Variants in FAM131A observed in about 807,000 individuals in gnomAD.
FAM131A encodes family with sequence similarity 131 member A.
FAM131A carries 24 observed loss-of-function variants against 39.2 expected under a neutral mutation model. The observed-to-expected ratio is 0.61, with a 90% CI of 0.44 to 0.86. FAM131A has a LOEUF of 0.86. Among genes scored for constraint, FAM131A ranks in the 40% least tolerant of loss-of-function variants. The pLI is 0.00. For synonymous variants in FAM131A, 202 were observed against 206.8 expected (o/e 0.98, Z 0.20); for missense variants, 373 against 481.2 (o/e 0.78, Z 2.10).
In FAM131A at chr3:184,342,918, T is replaced by C. The variant is rs1727450101; in HGVS notation, c.625+58T>C. ...ACCCACCTGATAGACCTTGGCATTC[T>C]TTCAGAGCCACATCCAGAACACTCT... On this transcript the variant is annotated intron_variant, in intron 5 of 5. Coordinates refer to ENST00000383847, the MANE Select transcript of FAM131A (RefSeq NM_144635.5). The surrounding 1 kb of genome is among the most constrained non-coding windows in gnomAD (Gnocchi z 4.6). 2.1e-6 allele frequency: 3 copies of C among 1,430,076 alleles called. No individual in the cohort carries two copies. The highest frequency in any genetic ancestry group is 3.0e-6 in the Non-Finnish European group (3 of 1,016,096). 88.6% of individuals were successfully genotyped at this position (1,430,076 alleles called of 1,614,324 possible). A position where few individuals can be genotyped will look rare whatever the true frequency, so the allele number is the denominator to read the frequency against.
intron 5 of FAM131A, 57 bp from the exon 6 acceptor site, chr3:184,344,438 G>A (rs1039736581): frequency 6.1e-6 from 9 of 1,476,276 alleles, no homozygotes; most frequent in Non-Finnish European, 8.2e-6. Flanking sequence ...GTGGCTTCCA[G>A]GTTGTCCAGT....
Position 184,345,396 on chromosome 3 carries a change from TTCCGAG to T in FAM131A, c.*430_*435del. ...CTCTCTTCTCTGCTTTTCTTCTCAC[TTCCGAG>T]TCCATGTGCAGTGCTTGATAGAATC... On this transcript the variant is annotated 3_prime_UTR_variant, in exon 6 of 6. Coordinates refer to ENST00000383847, the MANE Select transcript of FAM131A (RefSeq NM_144635.5). The T allele has an allele frequency of 1.6e-6, 1 of 629,106 alleles. No individual in the cohort carries two copies. Among genetic ancestry groups the T allele is most frequent in the Non-Finnish European group, 2.8e-6 (1 of 354,572 alleles). The allele number at this position is 629,106 out of a possible 1,614,324, so 39.0% of individuals were successfully genotyped here.
At chr3:184,338,610 G>A in intron 2 of FAM131A, 81 bp downstream of exon 2, 2 of 1,488,586 alleles carry the variant, frequency 1.3e-6, no homozygotes, top group South Asian at 2.5e-5. Context: ...CGCCTGGCCA[G>A]CCAGCTTCTG....
rs779785469 is a variant in FAM131A at position 184,344,923 on chromosome 3, G to A, written c.1054G>A (p.Gly352Arg). Residue 352 changes from glycine to arginine, a missense_variant, in exon 6 of 6, where the codon GGG (glycine) becomes AGG (arginine). Coordinates refer to ENST00000383847, the MANE Select transcript of FAM131A (RefSeq NM_144635.5). ...QRQASDLASSGVVSLDEDEAE... is the reference protein window; with the variant it reads ...QRQASDLASSRVVSLDEDEAE... ...GCAAGCCTCTGACCTGGCCTCTTCT[G>A]GGGTGGTGTCCTTAGATGAGGATGA... 1.2e-6 allele frequency: 2 copies of A among 1,603,120 alleles called. No individual in the cohort carries two copies. Among genetic ancestry groups the A allele is most frequent in the Admixed American group, 3.4e-5 (2 of 59,582 alleles).
At position 184,344,725 on chromosome 3, in the gene FAM131A, C is replaced by T; in HGVS notation, c.856C>T (p.Pro286Ser). Residue 286 changes from proline (P) to serine (S), a missense_variant, in exon 6 of 6, where the codon CCC (proline) becomes TCC (serine). Around this residue, in one of 2 missense-constraint regions of FAM131A, gnomAD observed 152 missense variants for 133.5 expected, o/e 1.14. Coordinates refer to ENST00000383847, the MANE Select transcript of FAM131A (RefSeq NM_144635.5). ...LGDELLLAKLPPSRESAFRSL... is the reference protein window; with the variant it reads ...LGDELLLAKLSPSRESAFRSL... ...CGATGAGCTGCTTCTCGCCAAACTG[C>T]CCCCCAGCCGGGAAAGTGCCTTCCG... 1 of 1,611,994 alleles carries T rather than the reference C, an allele frequency of 6.2e-7. No individual in the cohort carries two copies. The highest frequency in any genetic ancestry group is 8.5e-7 in the Non-Finnish European group (1 of 1,179,940).
chr3:184,345,958 G>GCCTTTCT lies in FAM131A; in HGVS notation c.*989_*995dup. ...CTTCTTGGGGAGGAAAGAAGGTAGA[G>GCCTTTCT]CCTTTCTGTCTGAATGAAAGGCCAA... On this transcript the variant is annotated 3_prime_UTR_variant, in exon 6 of 6. Coordinates refer to ENST00000383847, the MANE Select transcript of FAM131A (RefSeq NM_144635.5). 1 of 270,632 alleles carries GCCTTTCT rather than the reference G, an allele frequency of 3.7e-6. No individual in the cohort carries two copies. Among genetic ancestry groups the GCCTTTCT allele is most frequent in the South Asian group, 6.0e-5 (1 of 16,560 alleles). 16.8% of individuals were successfully genotyped at this position (270,632 alleles called of 1,614,324 possible).
Position 184,344,810 on chromosome 3 carries a change from G to A in FAM131A, c.941G>A (p.Cys314Tyr). The change falls in exon 6 of 6, where the codon TGC (cysteine) becomes TAC (tyrosine). Residue 314 changes from cysteine (C) to tyrosine (Y), a missense_variant. By Grantham distance (194) the Cys-to-Tyr change is radical (BLOSUM62 -2). Coordinates refer to ENST00000383847, the MANE Select transcript of FAM131A (RefSeq NM_144635.5). ...SLYNSPLTES[C>Y]LSPAEEEPAP... is the part of the protein sequence containing the mutation. The stretch of plus-strand genomic sequence containing the variant: ...TACAACTCGCCCCTCACAGAGTCCT[G>A]CCTTTCCCCCGCGGAGGAGGAGCCA... The A allele has an allele frequency of 1.2e-6, 2 of 1,612,212 alleles. No individual in the cohort carries two copies. The highest frequency in any genetic ancestry group is 1.7e-6 in the Non-Finnish European group (2 of 1,179,900).
chr3:184,338,606 G>T, intron 2 of FAM131A, 77 bp downstream of exon 2: 1 of 1,493,736 alleles, frequency 6.7e-7, no homozygotes, highest in Non-Finnish European at 8.9e-7. Context: ...CCCACGCCTG[G>T]CCAGCCAGCT....
chr3:184,345,621 C>T lies in FAM131A; in HGVS notation c.*651C>T. 1.4e-6 allele frequency: 1 copy of T among 701,552 alleles called. No individual in the cohort carries two copies. The highest frequency in any genetic ancestry group is 2.7e-5 in the East Asian group (1 of 37,282). The allele number at this position is 701,552 out of a possible 1,614,324, so 43.5% of individuals were successfully genotyped here. ...GTCGGATCTTCTCTTCTCTGGGAGG[C>T]TTTGGAATGATGAAAGCATGTACCC... is the stretch of plus-strand genomic sequence containing the variant. On this transcript the variant is annotated 3_prime_UTR_variant, in exon 6 of 6. Coordinates refer to ENST00000383847, the MANE Select transcript of FAM131A (RefSeq NM_144635.5).
At chr3:184,340,526 C>T (rs1727327348) in intron 2 of FAM131A, 2 of 151,312 alleles carry the variant, frequency 1.3e-5, no homozygotes, top group African/African-American at 4.9e-5. Flanking sequence ...GGGGTTTCAC[C>T]ATGTTGGCCA....
chr3:184,341,590 T>C, intron 2 of FAM131A, 134 bp from the exon 3 acceptor site: 1 of 678,734 alleles, frequency 1.5e-6, no homozygotes, highest in Non-Finnish European at 2.6e-6. Context: ...TACATTTCCC[T>C]GTAGCCACTG....
rs759098355 is a variant in FAM131A, at chr3:184,342,712, T to C, written c.509-32T>C. 1.9e-6 allele frequency: 3 copies of C among 1,588,464 alleles called. No homozygotes were observed. The African/African-American group carries it at 4.0e-5, about 21-fold the overall frequency. ...AGCTGAGCCCTAGACTTAGCTCACCTTCTCTGCTTATGCATTCTGTCCCTG... is the reference window on the plus strand; with the variant it reads ...AGCTGAGCCCTAGACTTAGCTCACCCTCTCTGCTTATGCATTCTGTCCCTG... On this transcript the variant is annotated intron_variant, in intron 4 of 5. Coordinates refer to ENST00000383847, the MANE Select transcript of FAM131A (RefSeq NM_144635.5). This position sits in a 1 kb window ranked among gnomAD's most constrained non-coding sequence, Gnocchi z 4.6.
At position 184,337,622 on chromosome 3, in the gene FAM131A, A is replaced by G. The variant is rs746205957; in HGVS notation, c.-9A>G. 3 of 1,537,162 alleles carry G rather than the reference A, an allele frequency of 2.0e-6. No homozygotes were observed. The highest frequency in any genetic ancestry group is 2.4e-5 in the South Asian group (2 of 84,056). ...TGGGCTTTTGGTTCTCTGCATCAAC[A>G]CAGCCAGCATGCCTATGATTTCTGT... On this transcript the variant is annotated 5_prime_UTR_variant, in exon 1 of 6. Coordinates refer to ENST00000383847, the MANE Select transcript of FAM131A (RefSeq NM_144635.5).
intron 5 of FAM131A, among the ~76,000 whole-genome samples, chr3:184,343,925 T>A (rs1727490845): frequency 6.6e-6 from 1 of 152,244 alleles, no homozygotes; most frequent in Non-Finnish European, 1.5e-5. Flanking sequence ...GGCCCTGTTG[T>A]GCGATGAGCA....
rs142482105 is a variant in FAM131A, at chr3:184,342,829, T to C, written c.594T>C (p.Tyr198=). ...VDGEDSTDDS[Y]DEDFAGGMDT... ...GCGAGGACTCCACTGATGACTCCTA[T>C]GATGAGGACTTTGCTGGGGGAATGG... The change falls in exon 5 of 6, where the codon TAT becomes TAC. Residue 198 remains tyrosine, a synonymous_variant. Transcript: ENST00000383847. This position sits in a 1 kb window ranked among gnomAD's most constrained non-coding sequence, Gnocchi z 4.6. 261 of 1,613,604 alleles carry C rather than the reference T, an allele frequency of 1.6e-4. No homozygotes were observed. The African/African-American group carries it at 3.3e-3, about 20-fold the overall frequency.
In FAM131A at chr3:184,342,638, T is replaced by G; in HGVS notation, c.509-106T>G. On this transcript the variant is annotated intron_variant, in intron 4 of 5. Transcript: ENST00000383847. This position sits in a 1 kb window ranked among gnomAD's most constrained non-coding sequence, Gnocchi z 4.6. Reference sequence around the variant, plus strand: ...CTTTCTTATCTCCTCGGGTCTGACATGGGGGTTGGAGTCTTCCCATACCCT... The same window carrying G: ...CTTTCTTATCTCCTCGGGTCTGACAGGGGGGTTGGAGTCTTCCCATACCCT... 4 of 969,194 alleles carry G rather than the reference T, an allele frequency of 4.1e-6. No individual in the cohort carries two copies. Among genetic ancestry groups the G allele is most frequent in the Non-Finnish European group, 4.7e-6 (3 of 640,634 alleles). 60.0% of individuals were successfully genotyped at this position (969,194 alleles called of 1,614,324 possible).
chr3:184,341,500 G>A, intron 2 of FAM131A: 1 of 585,714 alleles, frequency 1.7e-6, no homozygotes, highest in Admixed American at 3.0e-5. Flanking sequence ...ATTAGCTGAA[G>A]TTTTGCTTCT....
chr3:184,336,434 G>A (rs1228438541), upstream of FAM131A, among the ~76,000 whole-genome samples: 1 of 152,146 alleles, frequency 6.6e-6, no homozygotes, highest in African/African-American at 2.4e-5. This position sits in a 1 kb window ranked among gnomAD's most constrained non-coding sequence, Gnocchi z 5.5. Flanking sequence ...TGGGCAGCCC[G>A]ATGCCCCCAC....
At chr3:184,337,593 G>A, upstream of FAM131A, 1 of 1,532,270 alleles carries the variant, frequency 6.5e-7, no homozygotes, top group Non-Finnish European at 8.8e-7. Context: ...GCCTGGAGCG[G>A]TTCTGGGCTT....
Sources: allele counts gnomAD v4.1 joint callset (sites outside exome capture counted in the v4.1 genomes callset), GRCh38; gene constraint gnomAD v4.1.1; regional missense constraint gnomAD v4.1.1; non-coding constraint Gnocchi (gnomAD v3.1); transcripts MANE v1.5; gene names NCBI Gene and HGNC (gene_info 2026-07-23, HGNC 2026-07-21).